CEP290: variants seen among roughly 807,000 people sequenced by gnomAD.
CEP290 encodes the protein centrosomal protein 290, also known as centrosomal protein of 290 kDa.
A neutral mutation model predicts 344.9 loss-of-function variants in CEP290; 317 were observed. The ratio of observed to expected loss-of-function variants is 0.92; its 90% confidence interval spans 0.84 to 1.01. The LOEUF (loss-of-function observed/expected upper bound fraction) is 1.01. CEP290 is among the 50% of genes least tolerant of loss of function. The pLI, the probability that CEP290 is intolerant of heterozygous loss-of-function variation, is 0.00. For synonymous variants in CEP290, 932 were observed against 895.8 expected (o/e 1.04, Z -0.72); for missense variants, 2,754 against 2,761.4 (o/e 1.00, Z 0.06).
intron 51 of CEP290, 87 bp from the exon 52 acceptor site, chr12:88,053,833 C>G (rs2033772784): frequency 3.0e-6 from 2 of 657,038 alleles, no homozygotes; most frequent in African/African-American, 1.9e-5. Context: ...TAGTGATGTA[C>G]AGTAATCAGA....
intron 20 of CEP290, among the ~76,000 whole-genome samples, chr12:88,114,217 CTT>C (rs1185113391): frequency 2.6e-5 from 4 of 152,022 alleles, no homozygotes; most frequent in Non-Finnish European, 5.9e-5. Context: ...TGTCAGTGAA[CTT>C]GAAGACAGAT....
intron 12 of CEP290, among the ~76,000 whole-genome samples, chr12:88,125,999 A>G (rs896852168): frequency 3.3e-5 from 5 of 152,094 alleles, no homozygotes; most frequent in Non-Finnish European, 5.9e-5. Context: ...AAAAGAGTAT[A>G]AAATTATTTT....
intron 49 of CEP290, among the ~76,000 whole-genome samples, chr12:88,056,591 C>T (rs1411664883): frequency 6.6e-6 from 1 of 151,956 alleles, no homozygotes; most frequent in Non-Finnish European, 1.5e-5. Flanking sequence ...GAAGCTTACT[C>T]CTTCACTTCA....
Position 88,120,983 on chromosome 12 carries a change from A to G in CEP290, c.1359+14T>C. The G allele has an allele frequency of 1.2e-6, 2 of 1,603,466 alleles. No individual in the cohort carries two copies. The highest frequency in any genetic ancestry group is 1.7e-6 in the Non-Finnish European group (2 of 1,176,304). ...AATTCTAAGCTCCTTGAATGACAAG[A>G]TAAAAATACATACCGATTCATAATC... is the stretch of plus-strand genomic sequence containing the variant. On this transcript the variant is annotated intron_variant, in intron 14 of 53. Transcript: ENST00000552810.
intron 23 of CEP290, among the ~76,000 whole-genome samples, chr12:88,108,298 G>A (rs1472010631): frequency 6.6e-6 from 1 of 152,026 alleles, no homozygotes; most frequent in Non-Finnish European, 1.5e-5. Flanking sequence ...GTCAATGTCT[G>A]CCAGGTATCA....
In CEP290 at chr12:88,084,777, G is replaced by A. The variant is rs1481340734; in HGVS notation, c.4513C>T (p.Leu1505=). 1 of 1,613,144 alleles carries A rather than the reference G, an allele frequency of 6.2e-7. No homozygotes were observed. The highest frequency in any genetic ancestry group is 1.7e-5 in the Admixed American group (1 of 59,946). The change falls in exon 35 of 54, where the codon CTG becomes TTG. Residue 1505 remains leucine (L), a synonymous_variant. Transcript: ENST00000552810. ...ILSRDKVINE[L]RLRLPATAER... ...GCAGTGGCAGGCAATCGAAGCCTCA[G>A]TTCATTGATTACTTTGTCTCTTGAC...
intron 45 of CEP290, among the ~76,000 whole-genome samples, chr12:88,063,203 A>C (rs1306470936): frequency 1.3e-5 from 2 of 151,926 alleles, no homozygotes; most frequent in Non-Finnish European, 2.9e-5. Flanking sequence ...TGAGTAAATA[A>C]ATAAATAAAG....
At position 88,055,577 on chromosome 12, in the gene CEP290, T is replaced by A. The variant is rs780375623; in HGVS notation, c.6959A>T (p.Gln2320Leu). The change falls in exon 50 of 54, where the codon CAG (glutamine) becomes CTG (leucine). Residue 2320 changes from glutamine to leucine, a missense_variant and splice_region_variant. Gln to Leu is a moderately radical substitution (Grantham distance 113, BLOSUM62 -2). Coordinates refer to ENST00000552810, the MANE Select transcript of CEP290 (RefSeq NM_025114.4). Reference sequence around the variant, plus strand: ...GTAAAGAAAAATTACGTTACTTACCTGTTGTTCAAGGTCTTCATTGTATTT... The same window carrying A: ...GTAAAGAAAAATTACGTTACTTACCAGTTGTTCAAGGTCTTCATTGTATTT... ...VNKYNEDLEQ[Q>L]IKILKHVPEG... 3.2e-6 allele frequency: 5 copies of A among 1,570,778 alleles called. No individual in the cohort carries two copies. The Admixed American group carries it at 5.8e-5, about 18-fold the overall frequency.
intron 13 of CEP290, among the ~76,000 whole-genome samples, chr12:88,124,509 A>G (rs1043195006): frequency 6.6e-5 from 10 of 151,918 alleles, no homozygotes; most frequent in African/African-American, 2.2e-4. Flanking sequence ...CGGAATCACT[A>G]TTTCTTCTTC....
Position 88,055,614 on chromosome 12 carries a change from G to T in CEP290, c.6922C>A (p.Gln2308Lys), listed in dbSNP as rs1159666069. Reference protein sequence around the residue: ...QLVKEATEREQKVNKYNEDLE... With the variant: ...QLVKEATEREKKVNKYNEDLE... Reference sequence around the variant, plus strand: ...TCTTCATTGTATTTGTTAACTTTTTGTTCTCTCTCTGTTGCTTCTTTTACA... The same window carrying T: ...TCTTCATTGTATTTGTTAACTTTTTTTTCTCTCTCTGTTGCTTCTTTTACA... Residue 2308 changes from glutamine to lysine, a missense_variant, in exon 50 of 54, where the codon CAA becomes AAA. Gln to Lys is a moderately conservative substitution (Grantham distance 53). Coordinates refer to ENST00000552810, the MANE Select transcript of CEP290 (RefSeq NM_025114.4). 3 of 1,577,566 alleles carry T rather than the reference G, an allele frequency of 1.9e-6. No individual in the cohort carries two copies. Among genetic ancestry groups the T allele is most frequent in the Admixed American group, 1.9e-5 (1 of 53,532 alleles).
Position 88,089,241 on chromosome 12 carries a change from A to T in CEP290, c.3820T>A (p.Phe1274Ile), listed in dbSNP as rs1245011932. ...TGTGCCAAGGGTAAAGCTCCACTAA[A>T]CTGTCGTCGTAGAGACTGAATTGTT... ...RQTIQSLRRQ[F>I]SGALPLAQQE... Residue 1274 changes from phenylalanine to isoleucine, a missense_variant, in exon 31 of 54, where the codon TTT becomes ATT. Physicochemically the swap from Phe to Ile is conservative, Grantham distance 21. Transcript: ENST00000552810. The T allele has an allele frequency of 6.2e-7, 1 of 1,613,820 alleles. No individual in the cohort carries two copies. Among genetic ancestry groups the T allele is most frequent in the South Asian group, 1.1e-5 (1 of 91,062 alleles).
At chr12:88,118,118 T>C (rs978543413) in intron 17 of CEP290, among the ~76,000 whole-genome samples, 10 of 151,808 alleles carry the variant, frequency 6.6e-5, no homozygotes, top group African/African-American at 2.4e-4. Context: ...AGGGAAAATG[T>C]TGAGTAACAT....
intron 32 of CEP290, 53 bp downstream of exon 32, chr12:88,087,719 CAAAAAAAA>C: frequency 8.0e-6 from 1 of 124,712 alleles, no homozygotes; most frequent in Non-Finnish European, 1.1e-5. Context: ...GACTCCATCT[CAAAAAAAA>C]AAAAAAAAAA....
At chr12:88,115,770 G>T in intron 18 of CEP290, 2 of 978,302 alleles carry the variant, frequency 2.0e-6, no homozygotes, top group Non-Finnish European at 2.4e-6. Context: ...ACTCACCTGA[G>T]ATCTAAGAAA....
intron 45 of CEP290, 89 bp from the exon 46 acceptor site, chr12:88,062,867 T>C (rs2034585980): frequency 1.3e-6 from 1 of 786,326 alleles, no homozygotes; most frequent in East Asian, 2.7e-5. Flanking sequence ...ACCATCAATC[T>C]CTTCAACTGT....
intron 13 of CEP290, among the ~76,000 whole-genome samples, chr12:88,122,739 AG>A (rs2039484161): frequency 6.6e-6 from 1 of 152,158 alleles, no homozygotes; most frequent in Non-Finnish European, 1.5e-5. Context: ...CTTTTAAAGC[AG>A]TTTAAACTAC....
At chr12:88,105,602 G>C (rs1408786979) in intron 25 of CEP290, among the ~76,000 whole-genome samples, 2 of 152,140 alleles carry the variant, frequency 1.3e-5, no homozygotes, top group Non-Finnish European at 2.9e-5. Context: ...ATTGGGTTAG[G>C]CAACAATCAT....
chr12:88,125,499 T>C (rs985543730), intron 12 of CEP290, 130 bp from the exon 13 acceptor site: 2 of 379,344 alleles, frequency 5.3e-6, no homozygotes, highest in Non-Finnish European at 9.2e-6. Flanking sequence ...AGTATGCCTT[T>C]TACCATTTTG....
chr12:88,096,846 T>G (rs2037467327), intron 27 of CEP290, 42 bp downstream of exon 27: 1 of 934,262 alleles, frequency 1.1e-6, no homozygotes, highest in Admixed American at 2.8e-5. Flanking sequence ...TATTCATTAT[T>G]AGATGTTAAT....
Sources: gnomAD v4.1 joint callset for allele counts (sites outside exome capture counted in the v4.1 genomes callset) on GRCh38, gnomAD v4.1.1 for gene constraint, MANE v1.5 for transcripts, NCBI Gene and HGNC (gene_info 2026-07-23, HGNC 2026-07-21) for gene names.